The following RIF1 variants were observed in gnomAD, a reference collection of about 807,000 sequenced individuals.
RIF1 encodes replication timing regulatory factor 1, also known as telomere-associated protein RIF1.
A neutral mutation model predicts 247.1 loss-of-function variants in RIF1; 45 were observed. The observed-to-expected ratio is 0.18, with a 90% CI of 0.14 to 0.23. The LOEUF (loss-of-function observed/expected upper bound fraction) is 0.23, where lower values mean the gene tolerates loss of function less well. RIF1 is among the 10% of genes least tolerant of loss of function. The probability of loss-of-function intolerance (pLI) is 1.00; values close to 1 mark genes in which losing one functional copy is unlikely to be tolerated. For missense variants in RIF1, 2,967 were observed against 2,862.5 expected (o/e 1.04, Z -0.83); for synonymous variants, 1,087 against 978.8 (o/e 1.11, Z -2.06).
chr2:151,414,129 A>G (rs1015858239), intron 3 of RIF1, among the ~76,000 whole-genome samples: 1 of 152,136 alleles, frequency 6.6e-6, no homozygotes, highest in South Asian at 2.1e-4. Flanking sequence ...CCTGGCCAAC[A>G]TGGTGAAACC....
At chr2:151,482,586 C>T (rs563649815), downstream of RIF1, among the ~76,000 whole-genome samples, 23 of 152,150 alleles carry the variant, frequency 1.5e-4, no homozygotes, top group Non-Finnish European at 3.1e-4. Flanking sequence ...GTAAATGCCT[C>T]ACCCCAACAT....
At chr2:151,517,883 G>A in the RIF1 span, among the ~76,000 whole-genome samples, 4 of 152,104 alleles carry the variant, frequency 2.6e-5, no homozygotes, top group African/African-American at 7.2e-5. Context: ...AACATCATGC[G>A]GTATATGACT....
the RIF1 span, chr2:151,526,215 G>A: frequency 2.0e-5 from 32 of 1,613,644 alleles, no homozygotes; most frequent in Middle Eastern, 1.6e-4. Context: ...TGTCAGGTAC[G>A]GCATGGCAGG....
At position 151,463,700 on chromosome 2, in the gene RIF1, T is replaced by A; in HGVS notation, c.4180T>A (p.Ser1394Thr). 2 of 1,613,906 alleles carry A rather than the reference T, an allele frequency of 1.2e-6. No individual in the cohort carries two copies. Among genetic ancestry groups the A allele is most frequent in the Non-Finnish European group, 1.7e-6 (2 of 1,179,912 alleles). ...AGAGAATACACCCCCAGTAGTAATA[T>A]CAGCAGATCAAATGGTAAATGAGGA... ...SKENTPPVVI[S>T]ADQMVNEDSQ... Residue 1394 changes from serine (S) to threonine (T), a missense_variant, in exon 30 of 36, where the codon TCA becomes ACA. Ser to Thr is a moderately conservative substitution (Grantham distance 58). This residue lies in a region of RIF1 where 2,028 missense variants were observed against 1,825.6 expected (regional missense o/e 1.11). Transcript: ENST00000444746.
chr2:151,437,080 T>A, intron 12 of RIF1, 77 bp downstream of exon 12: 1 of 1,356,868 alleles, frequency 7.4e-7, no homozygotes, highest in Non-Finnish European at 1.0e-6. Flanking sequence ...GGAGAGGTGT[T>A]ATTTTGTCGC....
In RIF1 at chr2:151,458,831, A is replaced by C. The variant is rs750415373; in HGVS notation, c.2876A>C (p.Lys959Thr). ...TAAAGACCAGTACTAACACAAGCCA[A>C]ACAAAAATTTCTGCTCCTGTTGCCT... Reference protein sequence around the residue: ...EELKPVLTQAKQKFLLLLPGL... With the variant: ...EELKPVLTQATQKFLLLLPGL... Residue 959 changes from lysine (K) to threonine (T), a missense_variant, in exon 25 of 36, where the codon AAA (lysine) becomes ACA (threonine). Lys to Thr is a moderately conservative substitution (Grantham distance 78). Around this residue, in one of 7 missense-constraint regions of RIF1, gnomAD observed 2,028 missense variants for 1,825.6 expected, o/e 1.11. Transcript: ENST00000444746. 1.2e-6 allele frequency: 2 copies of C among 1,612,486 alleles called. No individual in the cohort carries two copies. Among genetic ancestry groups the C allele is most frequent in the Non-Finnish European group, 1.7e-6 (2 of 1,178,920 alleles).
chr2:151,495,102 C>CAACA, intron 9 of RIF1: 1 of 152,334 alleles, frequency 6.6e-6, no homozygotes, highest in Admixed American at 6.5e-5. Context: ...TAGTTTCATA[C>CAACA]AACATTCAGC....
intron 8 of RIF1, among the ~76,000 whole-genome samples, chr2:151,424,852 T>A (rs1688749429): frequency 7.1e-6 from 1 of 140,788 alleles, no homozygotes; most frequent in East Asian, 2.3e-4. Flanking sequence ...TTTTTTTTTT[T>A]TTTTCCATAT....
At chr2:151,529,419 T>A in the RIF1 span, 1 of 744,050 alleles carries the variant, frequency 1.3e-6, no homozygotes, top group East Asian at 2.7e-5. Flanking sequence ...TACACAATGC[T>A]CCTTAAGACG....
chr2:151,524,105 G>A, the RIF1 span, among the ~76,000 whole-genome samples: 1 of 152,098 alleles, frequency 6.6e-6, no homozygotes, highest in African/African-American at 2.4e-5. Context: ...GCCCATAAAT[G>A]GTAAAGTGGA....
rs1342021849 is a variant in RIF1 at position 151,481,590 on chromosome 2, ACAT to A, written c.*6520_*6522del. On this transcript the variant is annotated 3_prime_UTR_variant, in exon 36 of 36. Transcript: ENST00000444746. ...GTAAACGCTAAGAGAGCTTAGTTTT[ACAT>A]TCACAAAGTATTTGTATTTGATAAG... is the stretch of plus-strand genomic sequence containing the variant. The A allele has an allele frequency of 2.0e-5, 3 of 152,246 alleles. No homozygotes were observed. Among genetic ancestry groups the A allele is most frequent in the African/African-American group, 7.2e-5 (3 of 41,462 alleles). The allele number at this position is 152,246 out of a possible 1,614,324, so 9.4% of individuals were successfully genotyped here.
intron 21 of RIF1, among the ~76,000 whole-genome samples, chr2:151,452,553 G>A (rs1023991247): frequency 1.3e-5 from 2 of 152,206 alleles, no homozygotes; most frequent in Admixed American, 6.5e-5. Context: ...GGAGTAACAT[G>A]TTAAGCTCCT....
chr2:151,443,573 G>T lies in RIF1; in HGVS notation c.1850G>T (p.Gly617Val). The T allele has an allele frequency of 6.2e-7, 1 of 1,609,596 alleles. No individual in the cohort carries two copies. The highest frequency in any genetic ancestry group is 8.5e-7 in the Non-Finnish European group (1 of 1,178,752). The change falls in exon 18 of 36, where the codon GGT becomes GTT. Residue 617 changes from glycine to valine, a missense_variant. Physicochemically the swap from Gly to Val is moderately radical, Grantham distance 109. Around this residue, in one of 7 missense-constraint regions of RIF1, gnomAD observed 369 missense variants for 322.0 expected, o/e 1.15. Coordinates refer to ENST00000444746, the MANE Select transcript of RIF1 (RefSeq NM_018151.5). ...LESLVGCVLS[G>V]PTSPLAFSDS... ...TCACTTGTAGGCTGTGTTCTTTCTGGTCCAACTTCACCACTAGCTTTCAGT... is the reference window on the plus strand; with the variant it reads ...TCACTTGTAGGCTGTGTTCTTTCTGTTCCAACTTCACCACTAGCTTTCAGT...
intron 20 of RIF1, among the ~76,000 whole-genome samples, chr2:151,447,137 G>A (rs1346456385): frequency 1.3e-5 from 2 of 151,740 alleles, no homozygotes; most frequent in Non-Finnish European, 2.9e-5. Context: ...TAGAGACGGG[G>A]TTTCACCGTG....
At chr2:151,527,465 G>A in the RIF1 span, 4 of 1,586,768 alleles carry the variant, frequency 2.5e-6, no homozygotes, top group Admixed American at 1.7e-5. Flanking sequence ...AATCGTCTGT[G>A]TCTCTCCTGT....
At position 151,432,220 on chromosome 2, in the gene RIF1, G is replaced by A. The variant is rs141966321; in HGVS notation, c.926-857G>A. ...AGGTAGGATTTCACCATGTTGGTCAGGCTGGTTTCAAACTCCTGACCTCAA... is the reference window on the plus strand; with the variant it reads ...AGGTAGGATTTCACCATGTTGGTCAAGCTGGTTTCAAACTCCTGACCTCAA... On this transcript the variant is annotated intron_variant, in intron 9 of 35. Coordinates refer to ENST00000444746, the MANE Select transcript of RIF1 (RefSeq NM_018151.5). Among the ~76,000 whole-genome samples, 4 of 152,212 alleles carry A rather than the reference G, an allele frequency of 2.6e-5. No homozygotes were observed. The East Asian group carries it at 7.7e-4, about 29-fold the overall frequency.
chr2:151,464,579 G>T lies in RIF1; in HGVS notation c.5059G>T (p.Asp1687Tyr). ...RNAIKRLHKR[D>Y]SFDNCSLGES... ...TGCCATTAAGAGATTACATAAGCGA[G>T]ACTCTTTTGATAATTGTAGTTTGGG... Residue 1687 changes from aspartate (D) to tyrosine (Y), a missense_variant, in exon 30 of 36, where the codon GAC (aspartate) becomes TAC (tyrosine). Physicochemically the swap from Asp to Tyr is radical, Grantham distance 160. Around this residue, in one of 7 missense-constraint regions of RIF1, gnomAD observed 2,028 missense variants for 1,825.6 expected, o/e 1.11. Coordinates refer to ENST00000444746, the MANE Select transcript of RIF1 (RefSeq NM_018151.5). 6.2e-7 allele frequency: 1 copy of T among 1,613,440 alleles called. No homozygotes were observed. Among genetic ancestry groups the T allele is most frequent in the South Asian group, 1.1e-5 (1 of 90,982 alleles).
In RIF1 at chr2:151,476,635, A is replaced by G. The variant is rs2048943975; in HGVS notation, c.*1564A>G. The G allele has an allele frequency of 6.6e-6, 1 of 152,200 alleles. No individual in the cohort carries two copies. Among genetic ancestry groups the G allele is most frequent in the South Asian group, 2.1e-4 (1 of 4,832 alleles). The allele number at this position is 152,200 out of a possible 1,614,324, so 9.4% of individuals were successfully genotyped here. On this transcript the variant is annotated 3_prime_UTR_variant, in exon 36 of 36. Coordinates refer to ENST00000444746, the MANE Select transcript of RIF1 (RefSeq NM_018151.5). ...AATCACAGATATTTTTGGGTCTAAG[A>G]TATTCATATACCAAGGATGGTTTTG...
intron 35 of RIF1, 62 bp from the exon 36 acceptor site, chr2:151,474,795 A>T: frequency 2.1e-6 from 2 of 933,624 alleles, no homozygotes; most frequent in Non-Finnish European, 3.3e-6. Context: ...TTAAAAGATC[A>T]TGTAAAAAAT....
Sources: gnomAD v4.1 joint callset for allele counts (sites outside exome capture counted in the v4.1 genomes callset) on GRCh38, gnomAD v4.1.1 for gene constraint, gnomAD v4.1.1 regional missense constraint, MANE v1.5 for transcripts, NCBI Gene and HGNC (gene_info 2026-07-23, HGNC 2026-07-21) for gene names.